The following PHF13 variants were observed in gnomAD, a reference collection of about 807,000 sequenced individuals.
PHF13 encodes the protein PHD finger protein 13, also known as PHD zinc finger protein PHF5.
In PHF13, 1 loss-of-function variant was observed where a neutral mutation model predicts 25.8. The ratio of observed to expected loss-of-function variants is 0.04; its 90% confidence interval spans 0.01 to 0.18. The LOEUF (loss-of-function observed/expected upper bound fraction) is 0.18. PHF13 is among the 10% of genes least tolerant of loss of function. PHF13 has a pLI of 1.00. For synonymous variants in PHF13, 195 were observed against 162.4 expected (o/e 1.20, Z -1.53); for missense variants, 306 against 403.2 (o/e 0.76, Z 2.06).
At chr1:6,619,087 G>T (rs1641302825) in intron 2 of PHF13, among the ~76,000 whole-genome samples, 1 of 152,202 alleles carries the variant, frequency 6.6e-6, no homozygotes, top group African/African-American at 2.4e-5. Flanking sequence ...ATTTTGGAAT[G>T]TCTAGTTTTT....
At position 6,619,934 on chromosome 1, in the gene PHF13, C is replaced by T; in HGVS notation, c.273C>T (p.Ser91=). 1 of 1,613,984 alleles carries T rather than the reference C, an allele frequency of 6.2e-7. No homozygotes were observed. The highest frequency in any genetic ancestry group is 8.5e-7 in the Non-Finnish European group (1 of 1,180,026). ...TGCCAGTCTCTGACCGCTGCTTTAG[C>T]CACCTGCAGCCTACTCTCTTGCAGC... is the stretch of plus-strand genomic sequence containing the variant. ...VPLPVSDRCF[S]HLQPTLLQRA... Residue 91 remains serine, a synonymous_variant, in exon 3 of 4, where the codon AGC becomes AGT. Coordinates refer to ENST00000377648, the MANE Select transcript of PHF13 (RefSeq NM_153812.3).
At position 6,613,891 on chromosome 1, in the gene PHF13, G is replaced by A; in HGVS notation, c.-176G>A. ...CGGTCGGCGGTGGAACCGCCAGTCCGGGGTCACAGAGCTTGAGAAGCGACG... is the reference window on the plus strand; with the variant it reads ...CGGTCGGCGGTGGAACCGCCAGTCCAGGGTCACAGAGCTTGAGAAGCGACG... On this transcript the variant is annotated 5_prime_UTR_variant, in exon 1 of 4. Transcript: ENST00000377648. The A allele has an allele frequency of 1.9e-6, 1 of 521,584 alleles. No individual in the cohort carries two copies. Among genetic ancestry groups the A allele is most frequent in the Non-Finnish European group, 3.3e-6 (1 of 298,836 alleles). The allele number at this position is 521,584 out of a possible 1,614,324, so 32.3% of individuals were successfully genotyped here. A position where few individuals can be genotyped will look rare whatever the true frequency, so the allele number is the denominator to read the frequency against.
chr1:6,619,905 C>T lies in PHF13; in HGVS notation c.244C>T (p.Pro82Ser). 1.9e-6 allele frequency: 3 copies of T among 1,613,964 alleles called. No homozygotes were observed. The highest frequency in any genetic ancestry group is 2.5e-6 in the Non-Finnish European group (3 of 1,180,030). ...AGFSDIASSV[P>S]LPVSDRCFSH... ...TTTCTCAGACATCGCGTCCTCAGTG[C>T]CCTTGCCAGTCTCTGACCGCTGCTT... The change falls in exon 3 of 4, where the codon CCC becomes TCC. Residue 82 changes from proline to serine, a missense_variant. This residue lies in a region of PHF13 where 186 missense variants were observed against 164.0 expected (regional missense o/e 1.13). Transcript: ENST00000377648.
At chr1:6,619,777 G>GATCAGGTCAAAGA in intron 2 of PHF13, 26 bp from the exon 3 acceptor site, 1 of 1,564,662 alleles carries the variant, frequency 6.4e-7, no homozygotes. Flanking sequence ...ACCAGTAACT[G>GATCAGGTCAAAGA]GAATCTGCCA....
intron 2 of PHF13, among the ~76,000 whole-genome samples, chr1:6,617,375 C>T (rs191580042): frequency 1.3e-4 from 19 of 151,296 alleles, no homozygotes; most frequent in South Asian, 2.1e-4. Flanking sequence ...CGTGAGCTAC[C>T]GCCCAGCCGA....
chr1:6,614,827 G>A (rs1259411067), intron 1 of PHF13, among the ~76,000 whole-genome samples: 1 of 150,438 alleles, frequency 6.6e-6, no homozygotes, highest in Non-Finnish European at 1.5e-5. Context: ...CGGGGCTCCC[G>A]GCCTCCCCCC....
chr1:6,619,383 T>C (rs1641305923), intron 2 of PHF13, among the ~76,000 whole-genome samples: 1 of 151,684 alleles, frequency 6.6e-6, no homozygotes, highest in Non-Finnish European at 1.5e-5. Flanking sequence ...AGAATCTCCC[T>C]CCCGTTACCA....
At position 6,614,968 on chromosome 1, in the gene PHF13, G is replaced by C. The variant is rs200756094; in HGVS notation, c.39+863G>C. 3.7e-3 allele frequency among the ~76,000 whole-genome samples: 554 copies of C among 151,442 alleles called. 21 individuals carry two copies. The East Asian group carries it at 0.067, about 18-fold the overall frequency. ...CGCTGCCGCCCCCGGGGGTTCGCAG[G>C]GCCTCCCCAGGCCTGGGACCCCGGA... On this transcript the variant is annotated intron_variant, in intron 1 of 3. Coordinates refer to ENST00000377648, the MANE Select transcript of PHF13 (RefSeq NM_153812.3).
intron 1 of PHF13, among the ~76,000 whole-genome samples, chr1:6,615,243 C>T (rs949874785): frequency 2.0e-5 from 3 of 152,066 alleles, no homozygotes; most frequent in Non-Finnish European, 2.9e-5. Context: ...ACTTGGCATT[C>T]GGGTTTTTGA....
rs749390921 is a variant in PHF13 at position 6,616,852 on chromosome 1, G to C, written c.135G>C (p.Pro45=). The change falls in exon 2 of 4, where the codon CCG becomes CCC. Residue 45 remains proline (P), a synonymous_variant. Coordinates refer to ENST00000377648, the MANE Select transcript of PHF13 (RefSeq NM_153812.3). The part of the protein sequence containing the change: ...VLAYAGYIPY[P]KEELPLRSSP... ...CCTATGCTGGCTACATCCCTTATCCGAAGGAGGTAATCTTCTGAGTTTCTG... is the reference window on the plus strand; with the variant it reads ...CCTATGCTGGCTACATCCCTTATCCCAAGGAGGTAATCTTCTGAGTTTCTG... 2 of 1,613,418 alleles carry C rather than the reference G, an allele frequency of 1.2e-6. No homozygotes were observed. Among genetic ancestry groups the C allele is most frequent in the Admixed American group, 1.7e-5 (1 of 60,010 alleles).
At position 6,614,060 on chromosome 1, in the gene PHF13, C is replaced by T. The variant is rs1402787698; in HGVS notation, c.-7C>T. 1.3e-6 allele frequency: 2 copies of T among 1,593,846 alleles called. No homozygotes were observed. The highest frequency in any genetic ancestry group is 1.7e-4 in the Middle Eastern group (1 of 5,948). ...TCTCGCAGCCGCCGCCGCCCCCCGCCCGGAACATGGACTCTGACTCTTGCG... is the reference window on the plus strand; with the variant it reads ...TCTCGCAGCCGCCGCCGCCCCCCGCTCGGAACATGGACTCTGACTCTTGCG... On this transcript the variant is annotated 5_prime_UTR_variant, in exon 1 of 4. Coordinates refer to ENST00000377648, the MANE Select transcript of PHF13 (RefSeq NM_153812.3).
At position 6,621,510 on chromosome 1, in the gene PHF13, C is replaced by T. The variant is rs2148710975; in HGVS notation, c.776C>T (p.Ser259Phe). Residue 259 changes from serine to phenylalanine, a missense_variant, in exon 4 of 4, where the codon TCC becomes TTC. Physicochemically the swap from Ser to Phe is radical, Grantham distance 155 (BLOSUM62 -2). This residue lies in a region of PHF13 where 40 missense variants were observed against 71.6 expected (regional missense o/e 0.56). Coordinates refer to ENST00000377648, the MANE Select transcript of PHF13 (RefSeq NM_153812.3). This position sits in a 1 kb window ranked among gnomAD's most constrained non-coding sequence, Gnocchi z 4.8. Reference sequence around the variant, plus strand: ...GAGTGCCACACCTGGATTCACCTGTCCTGTGCGAAAATCCGGAAATCCAAT... The same window carrying T: ...GAGTGCCACACCTGGATTCACCTGTTCTGTGCGAAAATCCGGAAATCCAAT... ...CNECHTWIHL[S>F]CAKIRKSNVP... is the part of the protein sequence containing the mutation. 1.2e-6 allele frequency: 2 copies of T among 1,614,142 alleles called. No homozygotes were observed. The highest frequency in any genetic ancestry group is 1.6e-4 in the Middle Eastern group (1 of 6,062).
rs1295562371 is a variant in PHF13 at position 6,621,977 on chromosome 1, G to A, written c.*340G>A. On this transcript the variant is annotated 3_prime_UTR_variant, in exon 4 of 4. Coordinates refer to ENST00000377648, the MANE Select transcript of PHF13 (RefSeq NM_153812.3). This position sits in a 1 kb window ranked among gnomAD's most constrained non-coding sequence, Gnocchi z 4.8. The stretch of plus-strand genomic sequence containing the variant: ...AAGAGATTCCCGCTGATTGGGCTCA[G>A]TGCCAGCTGTTATTCTGCTTCCACT... 2.6e-6 allele frequency: 1 copy of A among 384,776 alleles called. No individual in the cohort carries two copies. The highest frequency in any genetic ancestry group is 5.0e-6 in the Non-Finnish European group (1 of 201,740). The allele number at this position is 384,776 out of a possible 1,614,324, so 23.8% of individuals were successfully genotyped here. A position where few individuals can be genotyped will look rare whatever the true frequency, so the allele number is the denominator to read the frequency against.
rs779604436 is a variant in PHF13 at position 6,620,024 on chromosome 1, G to A, written c.363G>A (p.Lys121=). Residue 121 remains lysine (K), a synonymous_variant, in exon 3 of 4, where the codon AAG becomes AAA. Coordinates refer to ENST00000377648, the MANE Select transcript of PHF13 (RefSeq NM_153812.3). ...CGGACAAGCTGAAGAAGAAGAAGAA[G>A]AGGAAGCGCAGGGACAGTGATGCGC... ...KKTDKLKKKK[K]RKRRDSDAPG... 1.2e-6 allele frequency: 2 copies of A among 1,613,794 alleles called. No homozygotes were observed. Among genetic ancestry groups the A allele is most frequent in the Non-Finnish European group, 8.5e-7 (1 of 1,179,988 alleles).
Position 6,623,680 on chromosome 1 carries a change from A to T in PHF13, c.*2043A>T, listed in dbSNP as rs148349435. ...GATTGCATTTTTGTTCTTTTAGCAG[A>T]TCTGTCCCTGTGGGTGGTGTCTAAG... is the stretch of plus-strand genomic sequence containing the variant. On this transcript the variant is annotated 3_prime_UTR_variant, in exon 4 of 4. Coordinates refer to ENST00000377648, the MANE Select transcript of PHF13 (RefSeq NM_153812.3). 7.9e-5 allele frequency: 12 copies of T among 152,714 alleles called. No individual in the cohort carries two copies. The highest frequency in any genetic ancestry group is 2.4e-4 in the African/African-American group (10 of 41,556). The allele number at this position is 152,714 out of a possible 1,614,324, so 9.5% of individuals were successfully genotyped here. A position where few individuals can be genotyped will look rare whatever the true frequency, so the allele number is the denominator to read the frequency against.
intron 1 of PHF13, among the ~76,000 whole-genome samples, chr1:6,615,927 AC>A (rs1391909987): frequency 6.6e-6 from 1 of 151,734 alleles, no homozygotes; most frequent in African/African-American, 2.4e-5. Context: ...CCCTCTGAGC[AC>A]GAGAGAGGGG....
At chr1:6,614,663 C>G (rs948867342) in intron 1 of PHF13, 1 of 150,800 alleles carries the variant, frequency 6.6e-6, no homozygotes, top group Admixed American at 6.6e-5. Flanking sequence ...GGGGCCGCGT[C>G]CTCCGGGGGC....
intron 1 of PHF13, among the ~76,000 whole-genome samples, chr1:6,615,071 C>T (rs1013905449): frequency 1.5e-5 from 2 of 133,036 alleles, no homozygotes; most frequent in East Asian, 2.6e-4. Context: ...TCGCGGGGGG[C>T]GGCTGCCGCG....
Position 6,613,934 on chromosome 1 carries a change from C to T in PHF13, c.-133C>T, listed in dbSNP as rs1255197996. ...AAGCGACGCGCTGAGCCCCCCATCA[C>T]CTCCAGCCCGGGCGACCCCTCCCGG... On this transcript the variant is annotated 5_prime_UTR_variant, in exon 1 of 4. Coordinates refer to ENST00000377648, the MANE Select transcript of PHF13 (RefSeq NM_153812.3). 4 of 582,768 alleles carry T rather than the reference C, an allele frequency of 6.9e-6. No homozygotes were observed. The highest frequency in any genetic ancestry group is 6.7e-5 in the East Asian group (2 of 30,048). 36.1% of individuals were successfully genotyped at this position (582,768 alleles called of 1,614,324 possible).
Sources: allele counts gnomAD v4.1 joint callset (sites outside exome capture counted in the v4.1 genomes callset), GRCh38; gene constraint gnomAD v4.1.1; regional missense constraint gnomAD v4.1.1; non-coding constraint Gnocchi (gnomAD v3.1); transcripts MANE v1.5; gene names NCBI Gene and HGNC (gene_info 2026-07-23, HGNC 2026-07-21).